The following ZNF385D variants were observed in gnomAD, a reference collection of about 807,000 sequenced individuals.
The protein encoded by ZNF385D is zinc finger protein 659.
In ZNF385D, 15 loss-of-function variants were observed where a neutral mutation model predicts 35.8. The ratio of observed to expected loss-of-function variants is 0.42; its 90% CI spans 0.28 to 0.64. The LOEUF (loss-of-function observed/expected upper bound fraction) is 0.64, where lower values mean the gene tolerates loss of function less well. Among genes scored for constraint, ZNF385D ranks in the 30% least tolerant of loss-of-function variants. The probability of loss-of-function intolerance (pLI) is 0.23; values close to 1 mark genes in which losing one functional copy is unlikely to be tolerated. For synonymous variants in ZNF385D, 212 were observed against 186.8 expected (o/e 1.13, Z -1.10); for missense variants, 474 against 494.6 (o/e 0.96, Z 0.39).
intron 2 of ZNF385D, among the ~76,000 whole-genome samples, chr3:22,319,929 A>C (rs573191386): frequency 1.3e-5 from 2 of 152,258 alleles, no homozygotes; most frequent in South Asian, 4.1e-4. Context: ...GGTTTTTATC[A>C]TAAAACATCT....
chr3:21,902,097 A>G (rs998774764), intron 3 of ZNF385D, among the ~76,000 whole-genome samples: 10 of 152,178 alleles, frequency 6.6e-5, no homozygotes, highest in African/African-American at 2.4e-4. Context: ...GAATTAGATT[A>G]AAAGTTTCTT....
At chr3:21,501,325 T>C (rs1054163835) in intron 4 of ZNF385D, among the ~76,000 whole-genome samples, 1 of 152,172 alleles carries the variant, frequency 6.6e-6, no homozygotes, top group Non-Finnish European at 1.5e-5. Context: ...TTATCTAAAC[T>C]AGCATGAGGA....
At chr3:21,967,876 C>G (rs577766252) in intron 3 of ZNF385D, among the ~76,000 whole-genome samples, 2 of 152,322 alleles carry the variant, frequency 1.3e-5, no homozygotes, top group East Asian at 3.9e-4. Context: ...GATTGACTAT[C>G]CATACAAAAA....
At chr3:22,050,154 C>T (rs1037634349) in intron 3 of ZNF385D, among the ~76,000 whole-genome samples, 1 of 151,508 alleles carries the variant, frequency 6.6e-6, no homozygotes, top group African/African-American at 2.4e-5. Flanking sequence ...TTGTTTGAGC[C>T]CAGGAGTTTG....
At chr3:21,634,043 A>G (rs912686809) in intron 2 of ZNF385D, among the ~76,000 whole-genome samples, 16 of 151,938 alleles carry the variant, frequency 1.1e-4, no homozygotes, top group African/African-American at 3.9e-4. Flanking sequence ...CAAAAAATAC[A>G]AAAAATAGCT....
chr3:21,457,555 C>T (rs1264346194), intron 4 of ZNF385D, among the ~76,000 whole-genome samples: 1 of 152,018 alleles, frequency 6.6e-6, no homozygotes, highest in African/African-American at 2.4e-5. Flanking sequence ...AGGGTTTCAC[C>T]ATATTGGCCA....
At chr3:22,339,610 G>A (rs1239666390) in intron 2 of ZNF385D, among the ~76,000 whole-genome samples, 1 of 152,152 alleles carries the variant, frequency 6.6e-6, no homozygotes, top group Non-Finnish European at 1.5e-5. Flanking sequence ...CAGAAATAAA[G>A]TAGTACCTCT....
intron 3 of ZNF385D, among the ~76,000 whole-genome samples, chr3:21,943,817 A>C (rs558299971): frequency 6.6e-6 from 1 of 152,328 alleles, no homozygotes; most frequent in African/African-American, 2.4e-5. Flanking sequence ...GGCCAAACTA[A>C]GCCTGAAAAC....
chr3:21,511,539 G>T, intron 3 of ZNF385D: 1 of 375,202 alleles, frequency 2.7e-6, no homozygotes, highest in South Asian at 2.0e-5. Flanking sequence ...AAGCTTTAGA[G>T]TTCAAAAGCA....
At chr3:21,789,720 G>A (rs11929284) in intron 3 of ZNF385D, among the ~76,000 whole-genome samples, 37,500 of 151,994 alleles carry the variant, frequency 0.25, 4,982 homozygotes, top group Non-Finnish European at 0.29. Context: ...TGTAAAAAAA[G>A]ATAAATCAAG....
chr3:21,839,657 C>G (rs537678728), intron 3 of ZNF385D, among the ~76,000 whole-genome samples: 1 of 152,190 alleles, frequency 6.6e-6, no homozygotes, highest in South Asian at 2.1e-4. Flanking sequence ...TGGGTCAGCT[C>G]TGACTCCAGA....
chr3:21,701,063 G>A (rs2067663944), intron 1 of ZNF385D, among the ~76,000 whole-genome samples: 2 of 152,172 alleles, frequency 1.3e-5, no homozygotes. Flanking sequence ...TCTGAAGGCA[G>A]AATGAGTATA....
intron 3 of ZNF385D, among the ~76,000 whole-genome samples, chr3:21,935,419 A>C (rs1701211026): frequency 6.6e-6 from 1 of 152,158 alleles, no homozygotes; most frequent in Non-Finnish European, 1.5e-5. Flanking sequence ...TTAACAATGA[A>C]GAAATTGGGA....
chr3:22,009,353 G>A (rs1426439529), intron 3 of ZNF385D, among the ~76,000 whole-genome samples: 1 of 152,008 alleles, frequency 6.6e-6, no homozygotes, highest in Non-Finnish European at 1.5e-5. Context: ...GCTAGGCGAG[G>A]TGGCTCACTC....
At chr3:22,005,752 C>A (rs1222832103) in intron 3 of ZNF385D, among the ~76,000 whole-genome samples, 1 of 152,048 alleles carries the variant, frequency 6.6e-6, no homozygotes, top group African/African-American at 2.4e-5. Flanking sequence ...ATCCATTACA[C>A]AACCTTTAGA....
chr3:21,604,212 A>C (rs1334368919), intron 2 of ZNF385D, among the ~76,000 whole-genome samples: 7 of 152,204 alleles, frequency 4.6e-5, no homozygotes, highest in African/African-American at 1.7e-4. Context: ...TTGTAGGGAA[A>C]GGTTTTAGAT....
At chr3:21,745,997 C>T (rs914895040) in intron 1 of ZNF385D, among the ~76,000 whole-genome samples, 3 of 152,148 alleles carry the variant, frequency 2.0e-5, no homozygotes, top group African/African-American at 7.2e-5. Context: ...TACATAAATG[C>T]TATGACTGAA....
At chr3:21,805,728 G>T (rs907435920) in intron 3 of ZNF385D, among the ~76,000 whole-genome samples, 3 of 152,148 alleles carry the variant, frequency 2.0e-5, no homozygotes, top group Admixed American at 1.3e-4. Flanking sequence ...GACAAGACTG[G>T]ATTTCACTAT....
chr3:22,022,569 A>G (rs186842846), intron 3 of ZNF385D, among the ~76,000 whole-genome samples: 1 of 152,202 alleles, frequency 6.6e-6, no homozygotes, highest in Non-Finnish European at 1.5e-5. Flanking sequence ...GATTTATCAT[A>G]AATTCCTGTT....
Sources: gnomAD v4.1 joint callset for allele counts (sites outside exome capture counted in the v4.1 genomes callset) on GRCh38, gnomAD v4.1.1 for gene constraint, MANE v1.5 for transcripts, NCBI Gene and HGNC (gene_info 2026-07-23, HGNC 2026-07-21) for gene names.